GPATCH8: variants seen among roughly 807,000 people sequenced by gnomAD.
The protein encoded by GPATCH8 is G patch domain-containing protein 8.
A neutral mutation model predicts 118.3 loss-of-function variants in GPATCH8; 18 were observed. The ratio of observed to expected loss-of-function variants is 0.15; its 90% CI spans 0.11 to 0.23. The LOEUF (loss-of-function observed/expected upper bound fraction) is 0.23. GPATCH8 is among the 10% of genes least tolerant of loss of function. The pLI, the probability that GPATCH8 is intolerant of heterozygous loss-of-function variation, is 1.00. For synonymous variants in GPATCH8, 659 were observed against 684.7 expected, an observed-to-expected ratio of 0.96 and a Z score of 0.59; for missense variants, 1,631 against 1,873.8, an observed-to-expected ratio of 0.87 and a Z score of 2.39.
Position 44,399,964 on chromosome 17 carries a change from C to G in GPATCH8, c.2113G>C (p.Gly705Arg), listed in dbSNP as rs374161973. The G allele has an allele frequency of 3.1e-6, 5 of 1,614,128 alleles. No homozygotes were observed. The highest frequency in any genetic ancestry group is 4.2e-6 in the Non-Finnish European group (5 of 1,180,026). ...TEEKSSKAES[G>R]EKSKKRKKRK... ...TTCTTGCGCTTCTTAGATTTCTCCC[C>G]TGACTCTGCCTTAGAGCTTTTCTCT... The change falls in exon 8 of 8, where the codon GGG becomes CGG. Residue 705 changes from glycine (G) to arginine (R), a missense_variant. Transcript: ENST00000591680.
Position 44,398,844 on chromosome 17 carries a change from C to CCTT in GPATCH8, c.3230_3232dup (p.Glu1077dup). On this transcript the variant is annotated inframe_insertion, in exon 8 of 8. Coordinates refer to ENST00000591680, the MANE Select transcript of GPATCH8 (RefSeq NM_001002909.4). The stretch of plus-strand genomic sequence containing the variant: ...GTTCTTGTCTTCAGGACTGCAGTCA[C>CCTT]CTTCTGACCCTCTTCCTGTGCCAAT... 6.2e-7 allele frequency: 1 copy of CCTT among 1,613,972 alleles called. No homozygotes were observed. The highest frequency in any genetic ancestry group is 1.1e-5 in the South Asian group (1 of 91,078).
chr17:44,424,517 A>AT, intron 5 of GPATCH8, 25 bp from the exon 6 acceptor site: 1 of 1,577,176 alleles, frequency 6.3e-7, no homozygotes, highest in East Asian at 2.2e-5. Context: ...AAATACAAAG[A>AT]AACAAAAAAT....
At chr17:44,447,506 C>T (rs1009778425) in intron 3 of GPATCH8, among the ~76,000 whole-genome samples, 3 of 152,138 alleles carry the variant, frequency 2.0e-5, no homozygotes, top group Non-Finnish European at 4.4e-5. Flanking sequence ...AAAGACTGGG[C>T]TGCAAAGCTT....
chr17:44,442,037 AAAAATAAAAT>A lies in GPATCH8; in HGVS notation c.194-5502_194-5493del, dbSNP rs918751369. Among the ~76,000 whole-genome samples, 14 of 151,000 alleles carry A rather than the reference AAAAATAAAAT, an allele frequency of 9.3e-5. No homozygotes were observed. In the Admixed American group the frequency reaches 9.3e-4, roughly 10 times the overall value. ...GAGTGAAACTCTGTCTCAAAGAGAC[AAAAATAAAAT>A]AAAATAAAATAATATATATATACAC... On this transcript the variant is annotated intron_variant, in intron 3 of 7. Transcript: ENST00000591680.
At chr17:44,483,974 T>G (rs1968571482) in intron 1 of GPATCH8, among the ~76,000 whole-genome samples, 1 of 152,088 alleles carries the variant, frequency 6.6e-6, no homozygotes, top group African/African-American at 2.4e-5. Context: ...CCCGAGTAGC[T>G]AGGACTATAG....
intron 5 of GPATCH8, among the ~76,000 whole-genome samples, chr17:44,432,233 C>A (rs575402422): frequency 1.4e-4 from 21 of 152,086 alleles, no homozygotes; most frequent in African/African-American, 4.8e-4. Context: ...TATCATTTAA[C>A]AGATGGTGAA....
intron 1 of GPATCH8, among the ~76,000 whole-genome samples, chr17:44,495,468 C>T (rs1324660955): frequency 1.3e-5 from 2 of 152,152 alleles, no homozygotes; most frequent in Non-Finnish European, 2.9e-5. Context: ...TCATGCTGGT[C>T]TTATGAATAA....
Position 44,483,828 on chromosome 17 carries a change from G to T in GPATCH8, c.46-8925C>A, listed in dbSNP as rs998603555. On this transcript the variant is annotated intron_variant, in intron 1 of 7. Transcript: ENST00000591680. Reference sequence around the variant, plus strand: ...GGCTAATTTTTGTTTGGTTGTTTTTGTTGTTGTTGTTGTTGTTGTTGTTGT... The same window carrying T: ...GGCTAATTTTTGTTTGGTTGTTTTTTTTGTTGTTGTTGTTGTTGTTGTTGT... Among the ~76,000 whole-genome samples, 65 of 132,474 alleles carry T rather than the reference G, an allele frequency of 4.9e-4. No individual in the cohort carries two copies. In the Middle Eastern group the frequency reaches 0.011, roughly 23 times the overall value. The allele number at this position is 132,474 out of a possible 152,430, so 86.9% of individuals were successfully genotyped here. A position where few individuals can be genotyped will look rare whatever the true frequency, so the allele number is the denominator to read the frequency against.
intron 6 of GPATCH8, among the ~76,000 whole-genome samples, chr17:44,422,947 G>A (rs566165670): frequency 2.8e-4 from 43 of 151,666 alleles, no homozygotes; most frequent in East Asian, 7.8e-4. Context: ...TCTCTTCTTC[G>A]AATCAAGCAA....
intron 6 of GPATCH8, among the ~76,000 whole-genome samples, chr17:44,420,111 A>G (rs904483682): frequency 2.6e-5 from 4 of 151,884 alleles, no homozygotes; most frequent in African/African-American, 9.7e-5. Flanking sequence ...CATTCATCAT[A>G]CCAGCTAAAG....
chr17:44,441,895 G>A (rs2050703127), intron 3 of GPATCH8, among the ~76,000 whole-genome samples: 1 of 151,478 alleles, frequency 6.6e-6, no homozygotes, highest in Admixed American at 6.6e-5. Context: ...GGGCATGGTG[G>A]TGCATGCCTG....
chr17:44,470,102 C>T (rs62081256), intron 2 of GPATCH8, among the ~76,000 whole-genome samples: 6,573 of 152,310 alleles, frequency 0.043, 204 homozygotes, highest in Middle Eastern at 0.061. Flanking sequence ...GACCGACTAG[C>T]GGCTGATGGG....
At chr17:44,415,936 GTC>G (rs2049662386) in intron 6 of GPATCH8, among the ~76,000 whole-genome samples, 1 of 152,236 alleles carries the variant, frequency 6.6e-6, no homozygotes, top group Non-Finnish European at 1.5e-5. Context: ...GTCCTGAAGT[GTC>G]TGTTTTGAGG....
chr17:44,461,246 A>G (rs746109601), intron 3 of GPATCH8, among the ~76,000 whole-genome samples: 1 of 152,124 alleles, frequency 6.6e-6, no homozygotes, highest in Non-Finnish European at 1.5e-5. Flanking sequence ...CAATGGCCCA[A>G]TCATAGTTCA....
chr17:44,499,402 G>A (rs943465945), intron 1 of GPATCH8, among the ~76,000 whole-genome samples: 4 of 152,172 alleles, frequency 2.6e-5, no homozygotes, highest in Admixed American at 1.3e-4. Context: ...CCCGGGAGGC[G>A]GAGGTTGAGG....
At chr17:44,412,282 T>C (rs747739856) in intron 6 of GPATCH8, among the ~76,000 whole-genome samples, 3 of 152,214 alleles carry the variant, frequency 2.0e-5, no homozygotes, top group Non-Finnish European at 4.4e-5. Flanking sequence ...CCCAGCTATA[T>C]GGGAGGCTGA....
intron 5 of GPATCH8, among the ~76,000 whole-genome samples, chr17:44,433,420 T>C (rs1268907625): frequency 6.6e-6 from 1 of 152,168 alleles, no homozygotes; most frequent in Non-Finnish European, 1.5e-5. Flanking sequence ...ACATACTCTC[T>C]CTCCTCAATG....
At chr17:44,469,690 A>T (rs1163318397) in intron 2 of GPATCH8, among the ~76,000 whole-genome samples, 1 of 152,232 alleles carries the variant, frequency 6.6e-6, no homozygotes, top group African/African-American at 2.4e-5. Flanking sequence ...AACCAATGCT[A>T]CTAGGTGAAC....
chr17:44,409,674 C>T (rs1244032879), intron 6 of GPATCH8, among the ~76,000 whole-genome samples: 2 of 152,178 alleles, frequency 1.3e-5, no homozygotes, highest in Non-Finnish European at 2.9e-5. Flanking sequence ...GTGATTTCAC[C>T]TCTCTGAGTT....
Sources: gnomAD v4.1 joint callset for allele counts (sites outside exome capture counted in the v4.1 genomes callset) on GRCh38, gnomAD v4.1.1 for gene constraint, MANE v1.5 for transcripts, NCBI Gene and HGNC (gene_info 2026-07-23, HGNC 2026-07-21) for gene names.